ADGRE3: variants seen among roughly 807,000 people sequenced by gnomAD.
The protein encoded by ADGRE3 is EGF-like module receptor 3.
ADGRE3 carries 88 observed loss-of-function variants against 80.1 expected under a neutral mutation model. The observed-to-expected ratio is 1.10, with a 90% CI of 0.93 to 1.31. The LOEUF is 1.31. ADGRE3 is among the 40% of genes most tolerant of loss of function. The probability of loss-of-function intolerance (pLI) is 0.00; values close to 1 mark genes in which losing one functional copy is unlikely to be tolerated. For missense variants in ADGRE3, 715 were observed against 776.5 expected (o/e 0.92, Z 0.94); for synonymous variants, 281 against 294.8 (o/e 0.95, Z 0.48).
chr19:14,620,388 A>ACATGTATGTATGAATATATATGTATATT (rs1970506433), intron 15 of ADGRE3, among the ~76,000 whole-genome samples: 1 of 47,702 alleles, frequency 2.1e-5, no homozygotes, highest in African/African-American at 7.5e-5. Context: ...ATTCATATAT[A>ACATGTATGTATGAATATATATGTATATT]CATGTATATA....
chr19:14,606,010 A>G, the ADGRE3 span, among the ~76,000 whole-genome samples: 2 of 152,142 alleles, frequency 1.3e-5, no homozygotes, highest in Non-Finnish European at 2.9e-5. Flanking sequence ...TGGTGGGATT[A>G]CAGATATGAG....
At chr19:14,672,284 G>A (rs764459845) in intron 1 of ADGRE3, among the ~76,000 whole-genome samples, 17 of 152,212 alleles carry the variant, frequency 1.1e-4, no homozygotes, top group Non-Finnish European at 2.4e-4. Flanking sequence ...AGTCATCGGT[G>A]TGTCAGAATC....
At position 14,619,272 on chromosome 19, in the gene ADGRE3, A is replaced by G; in HGVS notation, c.*161T>C. Reference sequence around the variant, plus strand: ...AATGCAATTTACCACACATTTGTTGAGAGCCTATTGTGGAGAACAAACAGC... The same window carrying G: ...AATGCAATTTACCACACATTTGTTGGGAGCCTATTGTGGAGAACAAACAGC... On this transcript the variant is annotated 3_prime_UTR_variant, in exon 16 of 16. Coordinates refer to ENST00000253673, the MANE Select transcript of ADGRE3 (RefSeq NM_032571.5). The G allele has an allele frequency of 1.5e-6, 1 of 656,552 alleles. No homozygotes were observed. The highest frequency in any genetic ancestry group is 2.7e-6 in the Non-Finnish European group (1 of 370,386). 40.7% of individuals were successfully genotyped at this position (656,552 alleles called of 1,614,324 possible).
chr19:14,609,458 A>G, the ADGRE3 span, among the ~76,000 whole-genome samples: 1 of 152,154 alleles, frequency 6.6e-6, no homozygotes, highest in Non-Finnish European at 1.5e-5. Flanking sequence ...AGCCCACATG[A>G]TCTAAACAAT....
intron 5 of ADGRE3, among the ~76,000 whole-genome samples, chr19:14,657,330 T>C (rs765547723): frequency 2.0e-5 from 3 of 152,160 alleles, no homozygotes; most frequent in Admixed American, 6.6e-5. Flanking sequence ...TTTATATAAA[T>C]GCCGTCAGTT....
At chr19:14,638,850 T>C (rs11668134) in intron 10 of ADGRE3, among the ~76,000 whole-genome samples, 72,949 of 151,908 alleles carry the variant, frequency 0.48, 17,865 homozygotes, top group East Asian at 0.76. Flanking sequence ...TATTGCGTGG[T>C]GACTATAGTT....
At chr19:14,606,949 G>A in the ADGRE3 span, 1 of 1,065,588 alleles carries the variant, frequency 9.4e-7, no homozygotes, top group South Asian at 3.4e-5. Flanking sequence ...CACCCTGAGG[G>A]TCATGTAGAG....
intron 2 of ADGRE3, among the ~76,000 whole-genome samples, chr19:14,663,764 G>T (rs1158433650): frequency 1.3e-5 from 2 of 151,778 alleles, no homozygotes; most frequent in African/African-American, 2.4e-5. Context: ...GTTTGAACCT[G>T]TGAGGCGGAG....
chr19:14,629,975 C>A, intron 14 of ADGRE3, 64 bp downstream of exon 14: 2 of 1,081,762 alleles, frequency 1.8e-6, no homozygotes, highest in South Asian at 1.8e-5. Flanking sequence ...ACTTAAATCC[C>A]CATTGAACTC....
chr19:14,661,912 CA>C lies in ADGRE3; in HGVS notation c.355+50del, dbSNP rs755859100. On this transcript the variant is annotated intron_variant, in intron 4 of 15. Coordinates refer to ENST00000253673, the MANE Select transcript of ADGRE3 (RefSeq NM_032571.5). ...AACAAAACAAAACAAAACAAACAAA[CA>C]AAAAAACAACAACAGAGGAAGGAAG... 6 of 1,589,772 alleles carry C rather than the reference CA, an allele frequency of 3.8e-6. No individual in the cohort carries two copies. The East Asian group carries it at 9.0e-5, about 24-fold the overall frequency.
At chr19:14,663,285 G>T in intron 3 of ADGRE3, 133 bp downstream of exon 3, 2 of 391,722 alleles carry the variant, frequency 5.1e-6, no homozygotes, top group Non-Finnish European at 3.8e-6. Context: ...TTACAGGCTT[G>T]AGCAACTGTG....
At chr19:14,607,076 G>A in the ADGRE3 span, 1 of 1,331,156 alleles carries the variant, frequency 7.5e-7, no homozygotes, top group Non-Finnish European at 9.7e-7. Context: ...ACTGGAGGTG[G>A]CTGGATGGGT....
chr19:14,620,925 T>G (rs1970589590), intron 15 of ADGRE3, among the ~76,000 whole-genome samples: 1 of 152,092 alleles, frequency 6.6e-6, no homozygotes, highest in Admixed American at 6.6e-5. Context: ...GCTGGCAGCT[T>G]TGGGAATTAT....
At chr19:14,651,046 C>G (rs776953057) in intron 7 of ADGRE3, 39 bp downstream of exon 7, 12 of 1,612,264 alleles carry the variant, frequency 7.4e-6, no homozygotes, top group Non-Finnish European at 8.5e-6. Context: ...AATGACATGG[C>G]TCTGTGTGAA....
Position 14,638,306 on chromosome 19 carries a change from T to C in ADGRE3, c.1283A>G (p.Tyr428Cys). The C allele has an allele frequency of 1.9e-6, 3 of 1,614,016 alleles. No homozygotes were observed. Among genetic ancestry groups the C allele is most frequent in the Non-Finnish European group, 2.5e-6 (3 of 1,179,988 alleles). The part of the protein sequence containing the change: ...LCSIIAGALH[Y>C]LYLAAFTWML... ...CCAGGTGAAGGCGGCCAGGTAGAGA[T>C]AGTGCAAAGCACCGGCGATGATGGA... The change falls in exon 11 of 16, where the codon TAT becomes TGT. Residue 428 changes from tyrosine to cysteine, a missense_variant. Coordinates refer to ENST00000253673, the MANE Select transcript of ADGRE3 (RefSeq NM_032571.5).
intron 7 of ADGRE3, among the ~76,000 whole-genome samples, chr19:14,650,636 TC>T (rs879769793): frequency 0.55 from 47,264 of 85,172 alleles, 9,581 homozygotes; most frequent in East Asian, 0.67. Context: ...TCCATCTCTC[TC>T]TCTCTCTCTC....
At chr19:14,619,963 T>A (rs1230716218) in intron 15 of ADGRE3, among the ~76,000 whole-genome samples, 1 of 152,160 alleles carries the variant, frequency 6.6e-6, no homozygotes, top group African/African-American at 2.4e-5. Context: ...TTATAAGAGT[T>A]GTGGGCAAGA....
At chr19:14,635,231 G>T (rs543698209) in intron 11 of ADGRE3, among the ~76,000 whole-genome samples, 1 of 151,988 alleles carries the variant, frequency 6.6e-6, no homozygotes, top group East Asian at 1.9e-4. Flanking sequence ...TGAGTAGCTG[G>T]GACTACAGGC....
In ADGRE3 at chr19:14,674,783, G is replaced by C; in HGVS notation, c.-13C>G. On this transcript the variant is annotated 5_prime_UTR_variant, in exon 1 of 16. Coordinates refer to ENST00000253673, the MANE Select transcript of ADGRE3 (RefSeq NM_032571.5). ...ATGGTCCCTGCATTTCTGTGGTACG[G>C]GTATCCCACGCCAGCCAGCCCTGGA... The C allele has an allele frequency of 6.8e-6, 11 of 1,613,600 alleles. No homozygotes were observed. Among genetic ancestry groups the C allele is most frequent in the Non-Finnish European group, 9.3e-6 (11 of 1,179,768 alleles).
Sources: gnomAD v4.1 joint callset for allele counts (sites outside exome capture counted in the v4.1 genomes callset) on GRCh38, gnomAD v4.1.1 for gene constraint, MANE v1.5 for transcripts, NCBI Gene and HGNC (gene_info 2026-07-23, HGNC 2026-07-21) for gene names.